SEM1: variants seen among roughly 807,000 people sequenced by gnomAD.
SEM1 encodes the protein SEM1 26S proteasome subunit, also known as 26S proteasome complex subunit SEM1.
A neutral mutation model predicts 12.7 loss-of-function variants in SEM1; 3 were observed. The ratio of observed to expected loss-of-function variants is 0.24; its 90% CI spans 0.11 to 0.61. The LOEUF is 0.61. Ranked by LOEUF, SEM1 falls within the 20% of genes least tolerant of loss-of-function variation. The pLI, the probability that SEM1 is intolerant of heterozygous loss-of-function variation, is 0.88. For missense variants in SEM1, 59 were observed against 81.3 expected (o/e 0.73, Z 1.06); for synonymous variants, 30 against 27.8 (o/e 1.08, Z -0.25).
intron 2 of SEM1, among the ~76,000 whole-genome samples, chr7:96,626,330 C>T (rs1348922993): frequency 6.6e-6 from 1 of 152,134 alleles, no homozygotes; most frequent in Non-Finnish European, 1.5e-5. Context: ...CCAGTTCCAT[C>T]TATGTTGTTG....
At chr7:96,486,805 G>C (rs1237829102) in intron 1 of SEM1, among the ~76,000 whole-genome samples, 1 of 152,182 alleles carries the variant, frequency 6.6e-6, no homozygotes, top group Non-Finnish European at 1.5e-5. Flanking sequence ...TGCAGAAAGA[G>C]TTCTTCCTTA....
At chr7:96,527,873 C>A (rs747387649) in intron 2 of SEM1, among the ~76,000 whole-genome samples, 7 of 152,014 alleles carry the variant, frequency 4.6e-5, no homozygotes, top group Non-Finnish European at 7.4e-5. Flanking sequence ...GTTCTGAGTT[C>A]TTTTTTGTTG....
At chr7:96,622,713 C>T in intron 2 of SEM1, 1 of 732,922 alleles carries the variant, frequency 1.4e-6, no homozygotes, top group Non-Finnish European at 2.5e-6. Flanking sequence ...TCTGTTTGAC[C>T]ATCTGATCAG....
Position 96,486,091 on chromosome 7 carries a change from G to A in SEM1, c.227+112C>T, listed in dbSNP as rs909694891. On this transcript the variant is annotated intron_variant, in intron 2 of 3. Transcript: ENST00000356686. ...TATCACGTGTAAAGATCACGGTTGA[G>A]TATGTCACAATGTTGCTGGCCTTTA... The A allele has an allele frequency of 1.7e-5, 12 of 711,634 alleles. No individual in the cohort carries two copies. In the African/African-American group the frequency reaches 1.8e-4, roughly 11 times the overall value. The allele number at this position is 711,634 out of a possible 1,614,324, so 44.1% of individuals were successfully genotyped here. A position where few individuals can be genotyped will look rare whatever the true frequency, so the allele number is the denominator to read the frequency against.
intron 2 of SEM1, among the ~76,000 whole-genome samples, chr7:96,655,725 G>C (rs1681675128): frequency 6.6e-6 from 1 of 152,068 alleles, no homozygotes; most frequent in Admixed American, 6.5e-5. Context: ...AGGTGTTGAG[G>C]GTCCTGATTT....
downstream of SEM1, among the ~76,000 whole-genome samples, chr7:96,620,289 G>A (rs987407069): frequency 2.0e-5 from 3 of 151,972 alleles, no homozygotes; most frequent in Non-Finnish European, 2.9e-5. Flanking sequence ...AGCAGCCTGC[G>A]GCAGGGCAGT....
intron 2 of SEM1, among the ~76,000 whole-genome samples, chr7:96,558,655 G>C (rs1011668269): frequency 6.6e-6 from 1 of 152,122 alleles, no homozygotes; most frequent in Non-Finnish European, 1.5e-5. Flanking sequence ...AATATGAAGT[G>C]AAAAGAGGGT....
At chr7:96,490,656 T>G (rs1249285874) in intron 1 of SEM1, among the ~76,000 whole-genome samples, 1 of 151,822 alleles carries the variant, frequency 6.6e-6, no homozygotes, top group African/African-American at 2.4e-5. Context: ...TGATTATTCA[T>G]GGGGTCAGGG....
chr7:96,705,958 A>G (rs1790443467), intron 1 of SEM1, among the ~76,000 whole-genome samples: 1 of 152,168 alleles, frequency 6.6e-6, no homozygotes, highest in Admixed American at 6.5e-5. Context: ...AATTCTAACC[A>G]TTTCAAAGCT....
chr7:96,696,327 T>C (rs1387525922), intron 1 of SEM1: 1 of 152,002 alleles, frequency 6.6e-6, no homozygotes, highest in Admixed American at 6.6e-5. Context: ...AATACCTCTA[T>C]AGTTCTTTCG....
chr7:96,689,583 T>C (rs1039617785), intron 2 of SEM1, among the ~76,000 whole-genome samples: 5 of 152,216 alleles, frequency 3.3e-5, no homozygotes, highest in Admixed American at 1.3e-4. Context: ...TCCAATAAGA[T>C]AGACATTTGT....
At position 96,653,037 on chromosome 7, in the gene SEM1, A is replaced by G. The variant is rs544827512; in HGVS notation, c.171-30394T>C. On this transcript the variant is annotated intron_variant, in intron 2 of 2. Coordinates refer to the SEM1 transcript ENST00000417009. ...ACATGCTTTTCATGCATGACCTAAT[A>G]CAACAATTCTATGGTGGCAGGTACT... Among the ~76,000 whole-genome samples the G allele has an allele frequency of 4.6e-5, 7 of 152,342 alleles. No homozygotes were observed. In the South Asian group the frequency reaches 1.5e-3, roughly 32 times the overall value.
chr7:96,591,462 T>C (rs994016583), intron 2 of SEM1, among the ~76,000 whole-genome samples: 12 of 152,224 alleles, frequency 7.9e-5, no homozygotes, highest in Admixed American at 7.9e-4. Flanking sequence ...ATATTCATTA[T>C]ATATTTCCAA....
chr7:96,551,810 A>G (rs1461213979), intron 2 of SEM1, among the ~76,000 whole-genome samples: 2 of 152,038 alleles, frequency 1.3e-5, no homozygotes, highest in African/African-American at 4.8e-5. Flanking sequence ...ATCAACAAGG[A>G]CTGCTGGCAG....
intron 2 of SEM1, among the ~76,000 whole-genome samples, chr7:96,519,280 C>A (rs1804194230): frequency 6.6e-6 from 1 of 152,078 alleles, no homozygotes; most frequent in Non-Finnish European, 1.5e-5. Flanking sequence ...TTTTTGAGCA[C>A]TTTCTATCTG....
chr7:96,700,452 G>A (rs1277279446), intron 1 of SEM1, among the ~76,000 whole-genome samples: 1 of 152,052 alleles, frequency 6.6e-6, no homozygotes, highest in Admixed American at 6.5e-5. Flanking sequence ...GTATATTCAG[G>A]TCCCATGGTT....
At chr7:96,612,569 G>A (rs1340242148) in intron 2 of SEM1, among the ~76,000 whole-genome samples, 1 of 152,154 alleles carries the variant, frequency 6.6e-6, no homozygotes, top group Non-Finnish European at 1.5e-5. Context: ...CAAACCTACA[G>A]AATCAGAATC....
In SEM1 at chr7:96,662,461, T is replaced by C. The variant is rs569712239; in HGVS notation, c.170+32337A>G. On this transcript the variant is annotated intron_variant, in intron 2 of 2. Coordinates refer to the SEM1 transcript ENST00000417009. ...GCATGCTCTCACTCATAAGTGGGAGTTGAACAATGAGAACACATGGACACA... is the reference window on the plus strand; with the variant it reads ...GCATGCTCTCACTCATAAGTGGGAGCTGAACAATGAGAACACATGGACACA... Among the ~76,000 whole-genome samples the C allele has an allele frequency of 2.0e-5, 3 of 151,324 alleles. No homozygotes were observed. In the East Asian group the frequency reaches 5.9e-4, roughly 30 times the overall value.
chr7:96,668,538 T>C (rs1789229353), downstream of SEM1, among the ~76,000 whole-genome samples: 2 of 152,210 alleles, frequency 1.3e-5, no homozygotes, highest in African/African-American at 4.8e-5. Flanking sequence ...TGAAATTAAG[T>C]ATTGCATATA....
Sources: gnomAD v4.1 joint callset for allele counts (sites outside exome capture counted in the v4.1 genomes callset) on GRCh38, gnomAD v4.1.1 for gene constraint, MANE v1.5 for transcripts, NCBI Gene and HGNC (gene_info 2026-07-23, HGNC 2026-07-21) for gene names.